The following SGK1 variants were observed in gnomAD, a reference collection of about 807,000 sequenced individuals.
SGK1 encodes serine/threonine-protein kinase Sgk1.
SGK1 carries 26 observed loss-of-function variants against 64.2 expected under a neutral mutation model. The ratio of observed to expected loss-of-function variants is 0.40; its 90% CI spans 0.30 to 0.56. The LOEUF is 0.56. SGK1 is among the 20% of genes least tolerant of loss of function. The pLI, the probability that SGK1 is intolerant of heterozygous loss-of-function variation, is 0.38. For synonymous variants in SGK1, 265 were observed against 239.7 expected (o/e 1.11, Z -0.98); for missense variants, 519 against 645.6 (o/e 0.80, Z 2.12).
intron 1 of SGK1, among the ~76,000 whole-genome samples, chr6:134,291,996 G>A (rs534592735): frequency 6.6e-6 from 1 of 151,538 alleles, no homozygotes; most frequent in East Asian, 1.9e-4. Context: ...CCAGGAGGCG[G>A]AGGTTACAGT....
intron 3 of SGK1, among the ~76,000 whole-genome samples, chr6:134,207,050 A>C (rs146565350): frequency 0.21 from 31,528 of 151,462 alleles, 4,238 homozygotes; most frequent in African/African-American, 0.38. Context: ...ACGGTGAAAC[A>C]CCATCTCTAC....
At chr6:134,209,250 A>G (rs1433405972) in intron 2 of SGK1, among the ~76,000 whole-genome samples, 1 of 152,066 alleles carries the variant, frequency 6.6e-6, no homozygotes, top group Non-Finnish European at 1.5e-5. Context: ...CCTGGCCAAC[A>G]TGCTGAAATC....
At chr6:134,247,426 C>T (rs1323071557) in intron 2 of SGK1, among the ~76,000 whole-genome samples, 1 of 152,112 alleles carries the variant, frequency 6.6e-6, no homozygotes, top group Admixed American at 6.6e-5. Context: ...TATGGCCCTC[C>T]ACAAAGCCAC....
At chr6:134,252,268 AG>A (rs1562265019) in intron 2 of SGK1, among the ~76,000 whole-genome samples, 2 of 152,188 alleles carry the variant, frequency 1.3e-5, no homozygotes, top group African/African-American at 4.8e-5. Context: ...TAGGAGCCCC[AG>A]GAAACAGGAT....
intron 2 of SGK1, among the ~76,000 whole-genome samples, chr6:134,238,639 A>C (rs1032602890): frequency 1.3e-5 from 2 of 152,184 alleles, no homozygotes; most frequent in Non-Finnish European, 2.9e-5. Flanking sequence ...TCCAACATAC[A>C]AGCATGGAAA....
chr6:134,267,742 C>A (rs572222154), intron 1 of SGK1, among the ~76,000 whole-genome samples: 119 of 152,240 alleles, frequency 7.8e-4, no homozygotes, highest in South Asian at 2.1e-3. Flanking sequence ...ATCGGATACT[C>A]CCTCTCTGTC....
chr6:134,172,951 CTTT>C (rs1775079442), intron 8 of SGK1, 69 bp downstream of exon 8: 1 of 1,532,156 alleles, frequency 6.5e-7, no homozygotes, highest in Admixed American at 2.0e-5. Context: ...TCTTTGAAAA[CTTT>C]TTTCTCAAAC....
chr6:134,214,249 C>CT (rs1174431464), intron 2 of SGK1, among the ~76,000 whole-genome samples: 4 of 151,960 alleles, frequency 2.6e-5, no homozygotes, highest in Non-Finnish European at 2.9e-5. Context: ...TTTCTGACAA[C>CT]TTTTTTTTGC....
chr6:134,173,271 T>C lies in SGK1; in HGVS notation c.702+3A>G, dbSNP rs2114635520. 6.2e-7 allele frequency: 1 copy of C among 1,612,094 alleles called. No homozygotes were observed. The highest frequency in any genetic ancestry group is 8.5e-7 in the Non-Finnish European group (1 of 1,178,120). On this transcript the variant is annotated splice_donor_region_variant and intron_variant, in intron 7 of 13. Transcript: ENST00000367858. The stretch of plus-strand genomic sequence containing the variant: ...TGCCAGCCCCATCAAGCACATCTCA[T>C]ACCTCTTTCTTTTTCAGGATTGCTT...
rs1343645624 is a variant in SGK1, at chr6:134,269,970, G to A, written c.70-7822C>T. Among the ~76,000 whole-genome samples the A allele has an allele frequency of 8.2e-5, 12 of 145,910 alleles. 2 individuals are homozygous for A. In the Admixed American group the frequency reaches 8.4e-4, roughly 10 times the overall value. On this transcript the variant is annotated intron_variant, in intron 1 of 13. Coordinates refer to ENST00000367858, the MANE Select transcript of SGK1 (RefSeq NM_001143676.3). ...GAGTTGTACTTTTGTTGACCAGGCT[G>A]GAGCGCAATGGCGCGATCTCAGCTC...
intron 1 of SGK1, among the ~76,000 whole-genome samples, chr6:134,313,649 C>T (rs550510599): frequency 4.6e-5 from 7 of 151,990 alleles, no homozygotes; most frequent in South Asian, 4.2e-4. Flanking sequence ...TACTCAGTTT[C>T]CTCATCTTTG....
intron 2 of SGK1, among the ~76,000 whole-genome samples, chr6:134,212,199 G>C (rs1384651757): frequency 1.3e-5 from 2 of 151,720 alleles, no homozygotes; most frequent in African/African-American, 4.8e-5. Flanking sequence ...GACTACAGGC[G>C]CCTGCCACCA....
intron 1 of SGK1, among the ~76,000 whole-genome samples, chr6:134,311,228 G>C (rs1164985023): frequency 6.6e-6 from 1 of 152,206 alleles, no homozygotes; most frequent in East Asian, 1.9e-4. Flanking sequence ...GGAGAAGAGG[G>C]CAATGACTTA....
chr6:134,245,617 G>A (rs775171277), intron 2 of SGK1, among the ~76,000 whole-genome samples: 11 of 152,332 alleles, frequency 7.2e-5, no homozygotes, highest in African/African-American at 1.7e-4. Context: ...TGCTTTGGGA[G>A]GCCAAAGTGG....
intron 13 of SGK1, 176 bp downstream of exon 13, chr6:134,170,649 TA>T (rs1774985782): frequency 2.9e-6 from 2 of 683,602 alleles, no homozygotes; most frequent in Non-Finnish European, 2.5e-6. Context: ...TAAATGTGTC[TA>T]AAAATTATGG....
chr6:134,300,931 G>A (rs903902054), intron 1 of SGK1, among the ~76,000 whole-genome samples: 2 of 152,100 alleles, frequency 1.3e-5, no homozygotes, highest in African/African-American at 4.8e-5. Context: ...ACCGCGCCTG[G>A]CCAAGAAATG....
At chr6:134,315,874 T>TA (rs931461738) in intron 1 of SGK1, among the ~76,000 whole-genome samples, 5 of 151,752 alleles carry the variant, frequency 3.3e-5, no homozygotes, top group East Asian at 1.9e-4. Flanking sequence ...ACCCCGTCTC[T>TA]AAAAAAAAGA....
intron 3 of SGK1, among the ~76,000 whole-genome samples, chr6:134,201,696 A>G (rs971294949): frequency 2.0e-5 from 3 of 152,144 alleles, no homozygotes; most frequent in Non-Finnish European, 4.4e-5. Flanking sequence ...CATTTCAGGA[A>G]TTTGTAAAAG....
intron 2 of SGK1, among the ~76,000 whole-genome samples, chr6:134,237,150 G>T (rs1776377016): frequency 6.6e-6 from 1 of 151,366 alleles, no homozygotes; most frequent in Admixed American, 6.6e-5. Flanking sequence ...TGCCTCTGGG[G>T]CTCAAGCGAT....
Sources: allele counts gnomAD v4.1 joint callset (sites outside exome capture counted in the v4.1 genomes callset), GRCh38; gene constraint gnomAD v4.1.1; transcripts MANE v1.5; gene names NCBI Gene and HGNC (gene_info 2026-07-23, HGNC 2026-07-21).